FRMD4A: variants seen among roughly 807,000 people sequenced by gnomAD.
FRMD4A encodes the protein FERM domain-containing protein 4A.
A neutral mutation model predicts 129.1 loss-of-function variants in FRMD4A; 29 were observed. That is an observed-to-expected ratio of 0.22 (90% CI 0.17 to 0.31). FRMD4A has a LOEUF of 0.31. Ranked by LOEUF, FRMD4A falls within the 10% of genes least tolerant of loss-of-function variation. The pLI, the probability that FRMD4A is intolerant of heterozygous loss-of-function variation, is 1.00. For missense variants in FRMD4A, 1,272 were observed against 1,375.8 expected (o/e 0.92, Z 1.19); for synonymous variants, 634 against 571.6 (o/e 1.11, Z -1.56).
chr10:13,743,438 A>G (rs12219149), intron 9 of FRMD4A, among the ~76,000 whole-genome samples: 2,072 of 151,444 alleles, frequency 0.014, 82 homozygotes, highest in South Asian at 0.12. Context: ...CAGTGTAGAT[A>G]GGGACCTTTT....
intron 2 of FRMD4A, among the ~76,000 whole-genome samples, chr10:14,161,979 CTAA>C (rs1840910452): frequency 6.6e-6 from 1 of 150,854 alleles, no homozygotes; most frequent in South Asian, 2.1e-4. Context: ...AAAAGTGATT[CTAA>C]TAATATGTTT....
At position 14,102,073 on chromosome 10, in the gene FRMD4A, C is replaced by T. The variant is rs867526290; in HGVS notation, c.45+227985G>A. On this transcript the variant is annotated intron_variant, in intron 2 of 24. Transcript: ENST00000357447. ...CCCAGTTAAGTACCTTTTGGGAAAA[C>T]GCAGGATGCAAAGGAGCTCAGAAAA... Among the ~76,000 whole-genome samples, 29 of 152,244 alleles carry T rather than the reference C, an allele frequency of 1.9e-4. 1 individual carries two copies. Among genetic ancestry groups the T allele is most frequent in the Admixed American group, 1.6e-3 (24 of 15,292 alleles).
intron 15 of FRMD4A, among the ~76,000 whole-genome samples, chr10:13,686,876 A>G (rs1025723390): frequency 1.3e-5 from 2 of 152,224 alleles, no homozygotes; most frequent in African/African-American, 2.4e-5. Context: ...AGTGGTTAAT[A>G]CAACAAGCCA....
intron 15 of FRMD4A, among the ~76,000 whole-genome samples, chr10:13,688,655 T>C (rs2085342250): frequency 6.6e-6 from 1 of 152,178 alleles, no homozygotes; most frequent in African/African-American, 2.4e-5. Context: ...GACTTTTTTA[T>C]TTGAAATGCT....
intron 1 of FRMD4A, 128 bp downstream of exon 1, chr10:14,330,469 T>C (rs1366047693): frequency 7.3e-6 from 3 of 409,170 alleles, no homozygotes; most frequent in African/African-American, 2.0e-5. Context: ...TGGCAGCAAT[T>C]CTTCCTTTAA....
intron 2 of FRMD4A, among the ~76,000 whole-genome samples, chr10:14,149,140 C>T (rs1046569416): frequency 6.6e-6 from 1 of 152,174 alleles, no homozygotes; most frequent in Non-Finnish European, 1.5e-5. Context: ...AGTCCAAATA[C>T]ATACTTTCAT....
chr10:13,839,559 G>A (rs575693096), intron 3 of FRMD4A, among the ~76,000 whole-genome samples: 19 of 152,276 alleles, frequency 1.2e-4, no homozygotes, highest in East Asian at 3.9e-4. Flanking sequence ...TACCATTGGC[G>A]TCCTCCTGTT....
intron 2 of FRMD4A, among the ~76,000 whole-genome samples, chr10:14,272,559 A>G (rs116724063): frequency 6.6e-6 from 1 of 152,292 alleles, no homozygotes; most frequent in African/African-American, 2.4e-5. Context: ...AGAATTTCCT[A>G]AAGGTAGGAT....
chr10:14,223,461 G>A (rs775001352), intron 2 of FRMD4A, among the ~76,000 whole-genome samples: 1 of 152,180 alleles, frequency 6.6e-6, no homozygotes, highest in African/African-American at 2.4e-5. Context: ...CCAAATAGGG[G>A]CTGGGTATGG....
chr10:14,000,881 C>A lies in FRMD4A; in HGVS notation c.46-141969G>T, dbSNP rs116351573. On this transcript the variant is annotated intron_variant, in intron 2 of 24. Coordinates refer to ENST00000357447, the MANE Select transcript of FRMD4A (RefSeq NM_018027.5). ...TTCTAGACTCTATGACTTCGGAAGG[C>A]CTCAGGTAACTATCCAGAGACTCTC... Among the ~76,000 whole-genome samples, 641 of 152,116 alleles carry A rather than the reference C, an allele frequency of 4.2e-3. 4 individuals are homozygous for A. The highest frequency in any genetic ancestry group is 0.014 in the African/African-American group (595 of 41,510).
At chr10:14,002,885 C>T (rs2095647447) in intron 2 of FRMD4A, among the ~76,000 whole-genome samples, 1 of 152,030 alleles carries the variant, frequency 6.6e-6, no homozygotes, top group Non-Finnish European at 1.5e-5. Flanking sequence ...GTTCCTGGGG[C>T]AAGAGCAAGC....
At chr10:13,666,774 G>A (rs1239563549) in intron 17 of FRMD4A, among the ~76,000 whole-genome samples, 2 of 152,086 alleles carry the variant, frequency 1.3e-5, no homozygotes, top group Non-Finnish European at 2.9e-5. Context: ...ACACACATGA[G>A]CTAATGCACG....
Position 13,761,674 on chromosome 10 carries a change from A to G in FRMD4A, c.442-5T>C, listed in dbSNP as rs139132239. On this transcript the variant is annotated splice_polypyrimidine_tract_variant and splice_region_variant and intron_variant, in intron 7 of 24. Transcript: ENST00000357447. ...AGAAAAATCTCCCTTTGCCTCCTGT[A>G]GAAGAAAAAATTCAACATCAGCGAA... The G allele has an allele frequency of 1.1e-4, 170 of 1,600,122 alleles. No individual in the cohort carries two copies. The African/African-American group carries it at 2.1e-3, about 20-fold the overall frequency.
chr10:13,845,170 G>A (rs527269359), intron 3 of FRMD4A, among the ~76,000 whole-genome samples: 1 of 152,276 alleles, frequency 6.6e-6, no homozygotes, highest in South Asian at 2.1e-4. Context: ...CATCACTGGA[G>A]CACAAAACCT....
In FRMD4A at chr10:13,657,233, G is replaced by T. The variant is rs2082242903; in HGVS notation, c.2356C>A (p.Arg786=). 6.3e-7 allele frequency: 1 copy of T among 1,578,152 alleles called. No individual in the cohort carries two copies. Among genetic ancestry groups the T allele is most frequent in the South Asian group, 1.1e-5 (1 of 87,726 alleles). ...PSKARQRQRQ[R]QRAAGALGSA... ...CCCAGTGCGCCCGCCGCCCGCTGCC[G>T]CTGCCTCTGCCTCTGGCGCGCCTTG... The change falls in exon 22 of 25, where the codon CGG becomes AGG. Residue 786 remains arginine (R), a synonymous_variant. Transcript: ENST00000357447.
At chr10:13,913,336 G>C (rs1295211559) in intron 2 of FRMD4A, among the ~76,000 whole-genome samples, 2 of 152,164 alleles carry the variant, frequency 1.3e-5, no homozygotes, top group Non-Finnish European at 2.9e-5. Context: ...CTCTTTTTGG[G>C]GTGGTAAAGA....
At chr10:13,818,717 G>A (rs1332631128) in intron 3 of FRMD4A, among the ~76,000 whole-genome samples, 3 of 152,130 alleles carry the variant, frequency 2.0e-5, no homozygotes, top group African/African-American at 4.8e-5. Flanking sequence ...AGGTCACAAG[G>A]CTGTTTTGAG....
At chr10:13,798,435 G>A (rs113481021) in intron 4 of FRMD4A, among the ~76,000 whole-genome samples, 2,584 of 152,062 alleles carry the variant, frequency 0.017, 46 homozygotes, top group Admixed American at 0.038. Flanking sequence ...TAGGACGGGC[G>A]TGGTGGCTCA....
chr10:14,251,850 T>C (rs1378058642), intron 2 of FRMD4A, among the ~76,000 whole-genome samples: 2 of 152,026 alleles, frequency 1.3e-5, no homozygotes, highest in Admixed American at 6.6e-5. Context: ...GCTAGGTTTA[T>C]GGGAGGAAGA....
Sources: allele counts gnomAD v4.1 joint callset (sites outside exome capture counted in the v4.1 genomes callset), GRCh38; gene constraint gnomAD v4.1.1; transcripts MANE v1.5; gene names NCBI Gene and HGNC (gene_info 2026-07-23, HGNC 2026-07-21).